PHC2: variants seen among roughly 807,000 people sequenced by gnomAD.
PHC2 encodes polyhomeotic homolog 2.
In PHC2, 29 loss-of-function variants were observed where a neutral mutation model predicts 87.4. That is an observed-to-expected ratio of 0.33 (90% CI 0.25 to 0.45). PHC2 has a LOEUF of 0.45. Ranked by LOEUF, PHC2 falls within the 20% of genes least tolerant of loss-of-function variation. The pLI is 1.00. For synonymous variants in PHC2, 438 were observed against 461.7 expected (o/e 0.95, Z 0.66); for missense variants, 857 against 1,136.7 (o/e 0.75, Z 3.54).
intron 1 of PHC2, among the ~76,000 whole-genome samples, chr1:33,430,139 GA>G (rs1035142703): frequency 1.3e-5 from 2 of 152,156 alleles, no homozygotes; most frequent in Admixed American, 6.5e-5. Context: ...GGGGGAAGAT[GA>G]ATTTAAACCT....
At chr1:33,383,369 T>A (rs891514615) in intron 1 of PHC2, among the ~76,000 whole-genome samples, 2 of 152,112 alleles carry the variant, frequency 1.3e-5, no homozygotes, top group African/African-American at 4.8e-5. Flanking sequence ...CCAACAAAAA[T>A]AGAAGTGAAG....
At chr1:33,372,524 CA>C in intron 2 of PHC2, 77 bp from the exon 3 acceptor site, 1 of 1,317,072 alleles carries the variant, frequency 7.6e-7, no homozygotes, top group African/African-American at 1.5e-5. Flanking sequence ...ATGCCTTGCC[CA>C]CCCCAGGTCT....
At chr1:33,372,101 A>C (rs141574200) in intron 3 of PHC2, among the ~76,000 whole-genome samples, 188 bp downstream of exon 3, 1 of 152,258 alleles carries the variant, frequency 6.6e-6, no homozygotes, top group Non-Finnish European at 1.5e-5. Flanking sequence ...CACTAGCTGC[A>C]TGACCCTGGG....
intron 7 of PHC2, among the ~76,000 whole-genome samples, chr1:33,361,925 C>T (rs1391801622): frequency 2.0e-5 from 3 of 152,178 alleles, no homozygotes; most frequent in African/African-American, 7.2e-5. Flanking sequence ...ATAATCACCT[C>T]TGTTTTACGG....
intron 7 of PHC2, among the ~76,000 whole-genome samples, chr1:33,365,129 G>A (rs9659796): frequency 0.22 from 32,713 of 152,112 alleles, 6,101 homozygotes; most frequent in African/African-American, 0.51. Context: ...CTTTGAGTGC[G>A]TGACGGATGT....
At chr1:33,416,411 C>CAAA (rs58443586) in intron 1 of PHC2, among the ~76,000 whole-genome samples, 1 of 125,240 alleles carries the variant, frequency 8.0e-6, no homozygotes, top group Admixed American at 8.2e-5. Flanking sequence ...ACTAAAAATA[C>CAAA]AAAAAAAAAA....
Position 33,332,209 on chromosome 1 carries a change from A to T in PHC2, c.1891+66T>A. ...TTCCTCTGGGGAAACAGAGAGAGGAAGTGTGTGAGGCCTGCCTTTCCAGCC... is the reference window on the plus strand; with the variant it reads ...TTCCTCTGGGGAAACAGAGAGAGGATGTGTGTGAGGCCTGCCTTTCCAGCC... On this transcript the variant is annotated intron_variant, in intron 11 of 14. Coordinates refer to ENST00000683057, the MANE Select transcript of PHC2 (RefSeq NM_001385109.1). This position sits in a 1 kb window ranked among gnomAD's most constrained non-coding sequence, Gnocchi z 4.2. 2 of 1,585,378 alleles carry T rather than the reference A, an allele frequency of 1.3e-6. No homozygotes were observed. The highest frequency in any genetic ancestry group is 3.4e-5 in the Admixed American group (2 of 59,648).
chr1:33,413,117 C>T lies in PHC2; in HGVS notation c.-55+17859G>A, dbSNP rs1362776880. The stretch of plus-strand genomic sequence containing the variant: ...AAGTAGCTGGGATTATAGGCATGTG[C>T]CACCACACTTGGCTAATTTTTGTAT... On this transcript the variant is annotated intron_variant, in intron 1 of 14. Transcript: ENST00000683057. 4.6e-5 allele frequency among the ~76,000 whole-genome samples: 7 copies of T among 152,176 alleles called. No individual in the cohort carries two copies. In the East Asian group the frequency reaches 1.3e-3, roughly 29 times the overall value.
At chr1:33,338,632 C>T (rs532092866) in intron 9 of PHC2, among the ~76,000 whole-genome samples, 180 of 152,362 alleles carry the variant, frequency 1.2e-3, no homozygotes, top group African/African-American at 4.2e-3. Context: ...GGAAAAGCAG[C>T]TTAACAGTGA....
chr1:33,325,865 G>A, intron 14 of PHC2: 1 of 456,622 alleles, frequency 2.2e-6, no homozygotes, highest in Non-Finnish European at 4.4e-6. Context: ...CCACAGGCAG[G>A]AGCCAGAAGG....
chr1:33,372,148 T>G lies in PHC2; in HGVS notation c.333+141A>C. Reference sequence around the variant, plus strand: ...ATCTGCCAAAAGGAGATAATGACAGTAGTGCTCGTGTCACAAGGACTTCTT... The same window carrying G: ...ATCTGCCAAAAGGAGATAATGACAGGAGTGCTCGTGTCACAAGGACTTCTT... On this transcript the variant is annotated intron_variant, in intron 3 of 14. Coordinates refer to ENST00000683057, the MANE Select transcript of PHC2 (RefSeq NM_001385109.1). The G allele has an allele frequency of 1.1e-5, 8 of 742,528 alleles. No homozygotes were observed. The South Asian group carries it at 1.8e-4, about 17-fold the overall frequency. The allele number at this position is 742,528 out of a possible 1,614,324, so 46.0% of individuals were successfully genotyped here.
At chr1:33,402,359 A>G (rs1435740430) in intron 1 of PHC2, among the ~76,000 whole-genome samples, 1 of 152,220 alleles carries the variant, frequency 6.6e-6, no homozygotes, top group Non-Finnish European at 1.5e-5. Flanking sequence ...TGATTCAATC[A>G]CTTTAGAAAA....
At chr1:33,344,296 T>C (rs1646804250) in intron 9 of PHC2, among the ~76,000 whole-genome samples, 1 of 152,230 alleles carries the variant, frequency 6.6e-6, no homozygotes, top group South Asian at 2.1e-4. Context: ...AAGGCAGCCA[T>C]GTTCCCCAAT....
chr1:33,414,076 G>C (rs772461588), intron 1 of PHC2, among the ~76,000 whole-genome samples: 4 of 152,014 alleles, frequency 2.6e-5, no homozygotes, highest in Non-Finnish European at 5.9e-5. Context: ...TAAAAACTGA[G>C]TTGGCAGGGC....
At chr1:33,355,525 C>G (rs1357285431) in intron 7 of PHC2, among the ~76,000 whole-genome samples, 1 of 152,230 alleles carries the variant, frequency 6.6e-6, no homozygotes, top group East Asian at 1.9e-4. Flanking sequence ...AAACTAAAAA[C>G]TCACCTCCTC....
chr1:33,384,327 C>A (rs1043968107), intron 1 of PHC2, among the ~76,000 whole-genome samples: 1 of 152,120 alleles, frequency 6.6e-6, no homozygotes, highest in African/African-American at 2.4e-5. Context: ...CTCTAAGGGG[C>A]CCCACTATCC....
intron 1 of PHC2, among the ~76,000 whole-genome samples, chr1:33,414,216 C>CAT (rs957538279): frequency 3.3e-5 from 5 of 150,898 alleles, no homozygotes; most frequent in African/African-American, 9.8e-5. Flanking sequence ...CACACACACA[C>CAT]ACAAGAAAGG....
chr1:33,378,017 T>C (rs754651411), intron 1 of PHC2, among the ~76,000 whole-genome samples: 12 of 152,242 alleles, frequency 7.9e-5, no homozygotes, highest in Admixed American at 1.3e-4. Flanking sequence ...TTTTTCCTTA[T>C]GTTCATATGT....
chr1:33,350,197 G>A (rs1570471708), intron 9 of PHC2, among the ~76,000 whole-genome samples: 1 of 152,194 alleles, frequency 6.6e-6, no homozygotes, highest in Middle Eastern at 3.4e-3. Context: ...CTGGGGGTCA[G>A]TCAGAAGACT....
Sources: gnomAD v4.1 joint callset for allele counts (sites outside exome capture counted in the v4.1 genomes callset) on GRCh38, gnomAD v4.1.1 for gene constraint, Gnocchi (gnomAD v3.1) non-coding constraint, MANE v1.5 for transcripts, NCBI Gene and HGNC (gene_info 2026-07-23, HGNC 2026-07-21) for gene names.